The following TBC1D5 variants were observed in gnomAD, a reference collection of about 807,000 sequenced individuals.
TBC1D5 encodes TBC1 domain family member 5.
A neutral mutation model predicts 100.3 loss-of-function variants in TBC1D5; 75 were observed. That is an observed-to-expected ratio of 0.75 (90% CI 0.62 to 0.91). TBC1D5 has a LOEUF of 0.91. Ranked by LOEUF, TBC1D5 falls within the 40% of genes least tolerant of loss-of-function variation. TBC1D5 has a pLI of 0.00. For missense variants in TBC1D5, 910 were observed against 942.4 expected (o/e 0.97, Z 0.45); for synonymous variants, 323 against 325.6 (o/e 0.99, Z 0.09).
At chr3:17,248,163 T>A (rs1379476506) in intron 16 of TBC1D5, among the ~76,000 whole-genome samples, 3 of 152,076 alleles carry the variant, frequency 2.0e-5, no homozygotes, top group Non-Finnish European at 4.4e-5. Flanking sequence ...AGCTAATTTT[T>A]GTATTTTTGG....
intron 1 of TBC1D5, among the ~76,000 whole-genome samples, chr3:17,682,774 T>C (rs1342404307): frequency 2.0e-5 from 3 of 151,584 alleles, no homozygotes; most frequent in Admixed American, 6.6e-5. Flanking sequence ...ATAAATCGTG[T>C]TCCTAGGATT....
intron 2 of TBC1D5, among the ~76,000 whole-genome samples, chr3:17,528,584 T>C (rs1281332778): frequency 2.6e-5 from 4 of 152,196 alleles, no homozygotes; most frequent in African/African-American, 9.6e-5. Context: ...CAACTCCTTA[T>C]ACAAAACTAC....
chr3:17,242,764 GT>G (rs1348053101), intron 16 of TBC1D5, among the ~76,000 whole-genome samples: 1 of 152,080 alleles, frequency 6.6e-6, no homozygotes, highest in Non-Finnish European at 1.5e-5. Flanking sequence ...AGGAATGGAA[GT>G]GGGAAAATGT....
At chr3:17,582,739 T>A (rs776215812) in intron 2 of TBC1D5, among the ~76,000 whole-genome samples, 43 of 139,324 alleles carry the variant, frequency 3.1e-4, no homozygotes, top group Non-Finnish European at 4.5e-4. Context: ...ACAAAAAGAA[T>A]GGCAATTTAA....
chr3:17,704,451 G>C (rs527308467), intron 1 of TBC1D5, among the ~76,000 whole-genome samples: 2 of 147,838 alleles, frequency 1.4e-5, no homozygotes, highest in Admixed American at 6.7e-5. Flanking sequence ...CCTCCCAGAC[G>C]GGGTGGTGGC....
intron 2 of TBC1D5, among the ~76,000 whole-genome samples, chr3:17,555,002 A>C (rs2096504786): frequency 6.6e-6 from 1 of 152,062 alleles, no homozygotes; most frequent in Non-Finnish European, 1.5e-5. Context: ...GGCACGTGCC[A>C]CCACGTCCAG....
upstream of TBC1D5, among the ~76,000 whole-genome samples, chr3:17,741,614 A>G (rs1023971007): frequency 1.3e-5 from 2 of 152,148 alleles, no homozygotes; most frequent in South Asian, 4.1e-4. Context: ...TCTTTCCAGA[A>G]AGTTATTATT....
At chr3:17,529,256 T>C (rs1364686223) in intron 2 of TBC1D5, among the ~76,000 whole-genome samples, 2 of 152,194 alleles carry the variant, frequency 1.3e-5, no homozygotes, top group Non-Finnish European at 2.9e-5. Flanking sequence ...AACCACACTA[T>C]CTGTAAACTC....
chr3:17,383,536 T>C (rs1317619850), intron 9 of TBC1D5, among the ~76,000 whole-genome samples: 1 of 152,070 alleles, frequency 6.6e-6, no homozygotes, highest in Non-Finnish European at 1.5e-5. Flanking sequence ...AATAGGATAC[T>C]TGATTATTTT....
At chr3:17,344,144 A>G (rs1247557130) in intron 13 of TBC1D5, among the ~76,000 whole-genome samples, 1 of 152,186 alleles carries the variant, frequency 6.6e-6, no homozygotes, top group Non-Finnish European at 1.5e-5. Context: ...TGCAGACGAC[A>G]TGATTGTATT....
At chr3:17,343,157 T>C (rs2089271897) in intron 13 of TBC1D5, among the ~76,000 whole-genome samples, 1 of 152,212 alleles carries the variant, frequency 6.6e-6, no homozygotes, top group Non-Finnish European at 1.5e-5. Flanking sequence ...ACCTAATTTA[T>C]TGAGAGTTTT....
At chr3:17,630,599 ATT>A (rs1042586359) in intron 1 of TBC1D5, among the ~76,000 whole-genome samples, 27 of 152,298 alleles carry the variant, frequency 1.8e-4, no homozygotes, top group African/African-American at 6.3e-4. Flanking sequence ...AGGCCTCCCT[ATT>A]CCCTGAGATA....
chr3:17,207,124 G>C (rs943092603), intron 18 of TBC1D5, among the ~76,000 whole-genome samples: 1 of 152,006 alleles, frequency 6.6e-6, no homozygotes, highest in Non-Finnish European at 1.5e-5. Flanking sequence ...ATTTTTTGTA[G>C]ACATGGAGTC....
chr3:17,578,206 C>T (rs777988461), intron 2 of TBC1D5, among the ~76,000 whole-genome samples: 2 of 151,898 alleles, frequency 1.3e-5, no homozygotes. Flanking sequence ...TTTTGTATCC[C>T]GACTTATCTA....
chr3:17,350,718 C>T (rs2090469010), intron 13 of TBC1D5, among the ~76,000 whole-genome samples: 1 of 136,486 alleles, frequency 7.3e-6, no homozygotes, highest in Non-Finnish European at 1.6e-5. Flanking sequence ...CAGTGGCACA[C>T]AGTTAACTAT....
intron 17 of TBC1D5, among the ~76,000 whole-genome samples, chr3:17,225,797 T>C (rs1032702420): frequency 2.6e-5 from 4 of 151,482 alleles, no homozygotes; most frequent in Admixed American, 6.6e-5. Flanking sequence ...TGTGCCATGA[T>C]TGCACCACTG....
intron 2 of TBC1D5, among the ~76,000 whole-genome samples, chr3:17,598,867 T>G (rs1301529743): frequency 6.6e-6 from 1 of 152,212 alleles, no homozygotes; most frequent in Non-Finnish European, 1.5e-5. Flanking sequence ...GCTCACTGCC[T>G]ATTAGCTCCC....
intron 2 of TBC1D5, among the ~76,000 whole-genome samples, chr3:17,605,495 A>G (rs1005617763): frequency 3.3e-5 from 5 of 152,318 alleles, no homozygotes; most frequent in East Asian, 1.9e-4. Flanking sequence ...GATTTTCAGA[A>G]CTTAAAGTGC....
rs1173776468 is a variant in TBC1D5, at chr3:17,589,615, A to AT, written c.-36+34233dup. ...CCAGCCACATGGAACTGCAAGTACA[A>AT]TAAATCTCGCTTTTTGTAAATCGTC... On this transcript the variant is annotated intron_variant, in intron 2 of 21. Transcript: ENST00000253692. 8.5e-5 allele frequency among the ~76,000 whole-genome samples: 13 copies of AT among 152,342 alleles called. No homozygotes were observed. The South Asian group carries it at 2.3e-3, about 27-fold the overall frequency.
Sources: allele counts gnomAD v4.1 joint callset (sites outside exome capture counted in the v4.1 genomes callset), GRCh38; gene constraint gnomAD v4.1.1; transcripts MANE v1.5; gene names NCBI Gene and HGNC (gene_info 2026-07-23, HGNC 2026-07-21).